Variants in VCL observed in about 807,000 individuals in gnomAD.
VCL encodes the protein epididymis luminal protein 114.
A neutral mutation model predicts 125.7 loss-of-function variants in VCL; 47 were observed. The observed-to-expected ratio is 0.37, with a 90% CI of 0.30 to 0.48. The LOEUF (loss-of-function observed/expected upper bound fraction) is 0.48. Ranked by LOEUF, VCL falls within the 20% of genes least tolerant of loss-of-function variation. The pLI is 0.99. For synonymous variants in VCL, 458 were observed against 514.6 expected, an observed-to-expected ratio of 0.89 and a Z score of 1.49; for missense variants, 1,069 against 1,455.5, an observed-to-expected ratio of 0.73 and a Z score of 4.32.
intron 8 of VCL, among the ~76,000 whole-genome samples, chr10:74,083,910 C>A (rs907563627): frequency 1.3e-5 from 2 of 151,040 alleles, no homozygotes; most frequent in African/African-American, 4.9e-5. Context: ...ACTCTGTTGC[C>A]AGGCTGGAGT....
At position 74,097,396 on chromosome 10, in the gene VCL, TG is replaced by T; in HGVS notation, c.1872+65del. 1 of 1,592,644 alleles carries T rather than the reference TG, an allele frequency of 6.3e-7. No individual in the cohort carries two copies. The highest frequency in any genetic ancestry group is 8.5e-7 in the Non-Finnish European group (1 of 1,172,344). Reference sequence around the variant, plus strand: ...GCTATAGGTATATGTAAAGGTGAAATGTGATTACAGTGGACATCAGGATCAG... The same window carrying T: ...GCTATAGGTATATGTAAAGGTGAAATTGATTACAGTGGACATCAGGATCAG... On this transcript the variant is annotated intron_variant, in intron 13 of 21. Coordinates refer to ENST00000211998, the MANE Select transcript of VCL (RefSeq NM_014000.3). This position sits in a 1 kb window ranked among gnomAD's most constrained non-coding sequence, Gnocchi z 4.1.
At chr10:73,998,626 G>C (rs1254839054) in intron 1 of VCL, among the ~76,000 whole-genome samples, 1 of 152,226 alleles carries the variant, frequency 6.6e-6, no homozygotes, top group Non-Finnish European at 1.5e-5. Context: ...CGGGCTTGTC[G>C]TGAAGATATG....
Position 74,041,163 on chromosome 10 carries a change from T to TC in VCL, c.169-1918dup, listed in dbSNP as rs532160519. Among the ~76,000 whole-genome samples the TC allele has an allele frequency of 9.9e-3, 1,292 of 130,230 alleles. 9 individuals carry two copies. The highest frequency in any genetic ancestry group is 0.017 in the Non-Finnish European group (884 of 53,352). The allele number at this position is 130,230 out of a possible 152,430, so 85.4% of individuals were successfully genotyped here. A position where few individuals can be genotyped will look rare whatever the true frequency, so the allele number is the denominator to read the frequency against. On this transcript the variant is annotated intron_variant, in intron 1 of 21. Transcript: ENST00000211998. ...CTGTGCCAGCCAGGATTTTTCTTAC[T>TC]CCATTTTTTTTTCCTTTAAACTCAA...
intron 1 of VCL, among the ~76,000 whole-genome samples, chr10:74,011,966 T>G (rs747426378): frequency 5.9e-5 from 9 of 152,198 alleles, no homozygotes; most frequent in Non-Finnish European, 1.3e-4. Flanking sequence ...TTGAATGACT[T>G]TTAAGGGGAA....
intron 1 of VCL, 22 bp downstream of exon 1, chr10:73,998,397 C>A: frequency 6.9e-7 from 1 of 1,448,606 alleles, no homozygotes; most frequent in Non-Finnish European, 9.1e-7. Flanking sequence ...GGGCCTGGCG[C>A]GGGAGCGGGC....
At chr10:74,062,219 C>T (rs1260960014) in intron 2 of VCL, among the ~76,000 whole-genome samples, 1 of 151,976 alleles carries the variant, frequency 6.6e-6, no homozygotes, top group Non-Finnish European at 1.5e-5. Context: ...GAGTGCACCA[C>T]CACACATGGC....
At chr10:74,028,137 G>A (rs1437464110) in intron 1 of VCL, among the ~76,000 whole-genome samples, 1 of 152,138 alleles carries the variant, frequency 6.6e-6, no homozygotes, top group Non-Finnish European at 1.5e-5. Context: ...GTGCAGTGGT[G>A]CAATCATAGC....
chr10:74,105,483 G>T (rs1840117868), intron 16 of VCL, 130 bp downstream of exon 16: 1 of 1,153,930 alleles, frequency 8.7e-7, no homozygotes, highest in Non-Finnish European at 1.3e-6. Flanking sequence ...CTTAGTTTGA[G>T]AATGCTAGAT....
chr10:74,090,780 T>C (rs1303371123), intron 10 of VCL, among the ~76,000 whole-genome samples: 1 of 151,980 alleles, frequency 6.6e-6, no homozygotes, highest in African/African-American at 2.4e-5. Flanking sequence ...AAAAGGGGTA[T>C]TTCCTCTTTT....
chr10:74,038,243 C>T (rs887116863), intron 1 of VCL, among the ~76,000 whole-genome samples: 7 of 152,280 alleles, frequency 4.6e-5, no homozygotes, highest in Admixed American at 6.5e-5. Context: ...GTGTTCCACC[C>T]GCCTTGACCT....
chr10:74,009,549 G>A lies in VCL; in HGVS notation c.168+11174G>A, dbSNP rs142835353. 6.3e-3 allele frequency among the ~76,000 whole-genome samples: 958 copies of A among 151,902 alleles called. 11 individuals are homozygous for A. Among genetic ancestry groups the A allele is most frequent in the African/African-American group, 0.021 (877 of 41,446 alleles). ...GCTGGGATTACAGGCATGAGCCACC[G>A]CGCCCGGCTTTAATTCTGTTTCTAT... On this transcript the variant is annotated intron_variant, in intron 1 of 21. Transcript: ENST00000211998.
intron 10 of VCL, among the ~76,000 whole-genome samples, chr10:74,094,007 T>C (rs1367779117): frequency 6.6e-6 from 1 of 152,216 alleles, no homozygotes; most frequent in Non-Finnish European, 1.5e-5. Context: ...CTAGTGATGA[T>C]TGATTGAGCT....
In VCL at chr10:74,097,336, G is replaced by A. The variant is rs2131918473; in HGVS notation, c.1872+4G>A. On this transcript the variant is annotated splice_donor_region_variant and intron_variant, in intron 13 of 21. Coordinates refer to ENST00000211998, the MANE Select transcript of VCL (RefSeq NM_014000.3). This position sits in a 1 kb window ranked among gnomAD's most constrained non-coding sequence, Gnocchi z 4.1. ...TGATGCGCCTAACAGGGAAGAGGTG[G>A]GTATCTGAGGTCTTCCATTTTTCTG... 2 of 1,612,450 alleles carry A rather than the reference G, an allele frequency of 1.2e-6. No individual in the cohort carries two copies. The highest frequency in any genetic ancestry group is 4.5e-5 in the East Asian group (2 of 44,854).
At chr10:74,096,078 C>A (rs1839963472) in intron 12 of VCL, among the ~76,000 whole-genome samples, 1 of 151,548 alleles carries the variant, frequency 6.6e-6, no homozygotes, top group Admixed American at 6.6e-5. Context: ...CAGTCAAGAG[C>A]CCTTTCGTGA....
At chr10:74,077,296 T>C (rs1839603096) in intron 6 of VCL, 1 of 152,700 alleles carries the variant, frequency 6.5e-6, no homozygotes, top group African/African-American at 2.4e-5. Flanking sequence ...AAGAGGTTTA[T>C]TTTTAACCTA....
At chr10:74,112,212 GTCTGAGCAGGGCGGGCA>G in intron 19 of VCL, 100 bp downstream of exon 19, 4 of 1,473,042 alleles carry the variant, frequency 2.7e-6, no homozygotes, top group Non-Finnish European at 3.8e-6. Flanking sequence ...GGTCCTGTGA[GTCTGAGCAGGGCGGGCA>G]TCTGTCTGTC....
At chr10:74,106,626 G>A (rs1840138854) in intron 16 of VCL, among the ~76,000 whole-genome samples, 1 of 152,066 alleles carries the variant, frequency 6.6e-6, no homozygotes, top group African/African-American at 2.4e-5. Flanking sequence ...AGGAAGGAGG[G>A]GCTCCCCTAT....
At chr10:74,101,354 C>T (rs1336476329) in intron 14 of VCL, among the ~76,000 whole-genome samples, 3 of 151,342 alleles carry the variant, frequency 2.0e-5, no homozygotes, top group Admixed American at 6.6e-5. Context: ...GGTGTGGTGG[C>T]GCATGCCTGT....
chr10:74,094,037 T>G (rs1839928611), intron 10 of VCL, among the ~76,000 whole-genome samples: 1 of 152,200 alleles, frequency 6.6e-6, no homozygotes, highest in South Asian at 2.1e-4. Flanking sequence ...AAATGATTGA[T>G]CTGAGCTTTA....
Sources: gnomAD v4.1 joint callset for allele counts (sites outside exome capture counted in the v4.1 genomes callset) on GRCh38, gnomAD v4.1.1 for gene constraint, Gnocchi (gnomAD v3.1) non-coding constraint, MANE v1.5 for transcripts, NCBI Gene and HGNC (gene_info 2026-07-23, HGNC 2026-07-21) for gene names.